FAT3: variants seen among roughly 807,000 people sequenced by gnomAD.
The protein encoded by FAT3 is protocadherin Fat 3.
In FAT3, 95 loss-of-function variants were observed where a neutral mutation model predicts 310.2. The observed-to-expected ratio is 0.31, with a 90% CI of 0.26 to 0.36. The LOEUF (loss-of-function observed/expected upper bound fraction) is 0.36, where lower values mean the gene tolerates loss of function less well. FAT3 is among the 10% of genes least tolerant of loss of function. FAT3 has a pLI of 1.00. For synonymous variants in FAT3, 2,314 were observed against 2,192.9 expected (o/e 1.06, Z -1.54); for missense variants, 5,408 against 5,715.6 (o/e 0.95, Z 1.74).
At chr11:92,341,174 G>A (rs778949765) in intron 1 of FAT3, among the ~76,000 whole-genome samples, 3 of 152,148 alleles carry the variant, frequency 2.0e-5, no homozygotes, top group Non-Finnish European at 4.4e-5. Flanking sequence ...TCTTTAAGGC[G>A]TGTCTACAAA....
At chr11:92,766,421 C>T (rs1946314079) in intron 6 of FAT3, among the ~76,000 whole-genome samples, 1 of 152,106 alleles carries the variant, frequency 6.6e-6, no homozygotes, top group Non-Finnish European at 1.5e-5. Flanking sequence ...AGGAACCTGC[C>T]TCTCCCCCCC....
chr11:92,752,071 C>T (rs541323768), intron 4 of FAT3, among the ~76,000 whole-genome samples: 1 of 152,140 alleles, frequency 6.6e-6, no homozygotes, highest in South Asian at 2.1e-4. Flanking sequence ...GACCAGGAGT[C>T]AGCAAACTTA....
In FAT3 at chr11:92,798,084, A is replaced by T; in HGVS notation, c.5071A>T (p.Ile1691Phe). 3 of 1,613,948 alleles carry T rather than the reference A, an allele frequency of 1.9e-6. No homozygotes were observed. The highest frequency in any genetic ancestry group is 2.5e-6 in the Non-Finnish European group (3 of 1,179,866). The change falls in exon 10 of 28, where the codon ATT becomes TTT. Residue 1691 changes from isoleucine to phenylalanine, a missense_variant. By Grantham distance (21) the Ile-to-Phe change is conservative. Around this residue, in one of 5 missense-constraint regions of FAT3, gnomAD observed 4,588 missense variants for 4,809.8 expected, o/e 0.95. Coordinates refer to ENST00000525166, the MANE Select transcript of FAT3 (RefSeq NM_001367949.2). The stretch of plus-strand genomic sequence containing the variant: ...AAATGTTGACATTGGAACATCAGTC[A>T]TTCTAATCTCTGCCATCAGTCAATC... ...NENVDIGTSV[I>F]LISAISQSTL...
chr11:92,505,128 C>T (rs1953059407), intron 2 of FAT3, among the ~76,000 whole-genome samples: 1 of 151,944 alleles, frequency 6.6e-6, no homozygotes, highest in Admixed American at 6.6e-5. Context: ...TGAGGTAGGA[C>T]AGAAGAGAGG....
Position 92,542,697 on chromosome 11 carries a change from T to C in FAT3, c.3607+17749T>C, listed in dbSNP as rs72974442. Among the ~76,000 whole-genome samples, 1,381 of 151,978 alleles carry C rather than the reference T, an allele frequency of 9.1e-3. 9 individuals are homozygous for C. Among genetic ancestry groups the C allele is most frequent in the Non-Finnish European group, 0.013 (913 of 67,912 alleles). Reference sequence around the variant, plus strand: ...AAAATAACAAATGCTGGCATGGATGTGGAGAAAGGGGAACTATTATGCACT... The same window carrying C: ...AAAATAACAAATGCTGGCATGGATGCGGAGAAAGGGGAACTATTATGCACT... On this transcript the variant is annotated intron_variant, in intron 3 of 27. Coordinates refer to ENST00000525166, the MANE Select transcript of FAT3 (RefSeq NM_001367949.2).
chr11:92,874,322 C>A (rs991369008), intron 22 of FAT3, among the ~76,000 whole-genome samples: 13 of 152,104 alleles, frequency 8.5e-5, no homozygotes, highest in African/African-American at 3.1e-4. Flanking sequence ...ATTCTATTAT[C>A]TTTATTATTT....
At chr11:92,813,513 A>G (rs1947738558) in intron 13 of FAT3, among the ~76,000 whole-genome samples, 1 of 152,160 alleles carries the variant, frequency 6.6e-6, no homozygotes, top group Non-Finnish European at 1.5e-5. Flanking sequence ...TTTAAGCACC[A>G]CATTCATACA....
chr11:92,781,075 C>CT (rs10649331), intron 7 of FAT3, among the ~76,000 whole-genome samples: 52,069 of 121,934 alleles, frequency 0.43, 12,616 homozygotes, highest in South Asian at 0.63. Context: ...TTTCTTTATT[C>CT]TTTTTTTTTT....
intron 4 of FAT3, among the ~76,000 whole-genome samples, chr11:92,699,845 A>G (rs1944044964): frequency 6.6e-6 from 1 of 152,176 alleles, no homozygotes; most frequent in Non-Finnish European, 1.5e-5. Context: ...TGTGGTTATC[A>G]TTGTTGATTG....
chr11:92,492,406 C>T (rs1565358574), intron 2 of FAT3, among the ~76,000 whole-genome samples: 1 of 151,978 alleles, frequency 6.6e-6, no homozygotes, highest in Non-Finnish European at 1.5e-5. Flanking sequence ...GATGCAATTT[C>T]CACATCTTTA....
rs11019887 is a variant in FAT3, at chr11:92,248,030, C to T, written c.-18+22856C>T. ...TAACTTTAAAATTAAATAAGAATAA[C>T]ATTTAAATGAACATTTAAGAAGTAT... On this transcript the variant is annotated intron_variant, in intron 1 of 27. Coordinates refer to ENST00000525166, the MANE Select transcript of FAT3 (RefSeq NM_001367949.2). Among the ~76,000 whole-genome samples, 41 of 152,128 alleles carry T rather than the reference C, an allele frequency of 2.7e-4. No homozygotes were observed. The East Asian group carries it at 6.0e-3, about 22-fold the overall frequency.
At chr11:92,833,332 T>C (rs1464912365) in intron 14 of FAT3, among the ~76,000 whole-genome samples, 1 of 152,202 alleles carries the variant, frequency 6.6e-6, no homozygotes, top group Non-Finnish European at 1.5e-5. Context: ...TCAAGGAGTA[T>C]GCACCTGTTG....
intron 2 of FAT3, among the ~76,000 whole-genome samples, chr11:92,409,980 A>T (rs1436895360): frequency 6.6e-6 from 1 of 152,154 alleles, no homozygotes; most frequent in Non-Finnish European, 1.5e-5. Flanking sequence ...TTGTAAGAAG[A>T]AGTAAATAAG....
rs893735893 is a variant in FAT3, at chr11:92,561,464, A to G, written c.3607+36516A>G. ...TGAAAATACTTGAGAGTACTGAAAT[A>G]TATTTCTTTACATATAGGACTTTGT... On this transcript the variant is annotated intron_variant, in intron 3 of 27. Coordinates refer to ENST00000525166, the MANE Select transcript of FAT3 (RefSeq NM_001367949.2). Among the ~76,000 whole-genome samples, 6 of 152,226 alleles carry G rather than the reference A, an allele frequency of 3.9e-5. 1 individual carries two copies. The highest frequency in any genetic ancestry group is 4.1e-4 in the South Asian group (2 of 4,830).
At chr11:92,411,591 C>A (rs1005713730) in intron 2 of FAT3, among the ~76,000 whole-genome samples, 3 of 151,988 alleles carry the variant, frequency 2.0e-5, no homozygotes, top group African/African-American at 7.3e-5. Context: ...CTGTGTTTCG[C>A]ATGGAAGGAG....
intron 3 of FAT3, among the ~76,000 whole-genome samples, chr11:92,593,644 G>A (rs561868466): frequency 3.4e-4 from 51 of 151,982 alleles, no homozygotes; most frequent in Admixed American, 6.6e-4. Flanking sequence ...CTTCTAGAAG[G>A]GTAACTAACA....
At chr11:92,523,023 C>G (rs2135355126) in intron 2 of FAT3, among the ~76,000 whole-genome samples, 1 of 152,156 alleles carries the variant, frequency 6.6e-6, no homozygotes, top group East Asian at 1.9e-4. Flanking sequence ...AGTTTGCAAA[C>G]CGATATTGGC....
At chr11:92,693,962 T>G (rs1378234638) in intron 3 of FAT3, among the ~76,000 whole-genome samples, 2 of 152,264 alleles carry the variant, frequency 1.3e-5, no homozygotes, top group African/African-American at 4.8e-5. Flanking sequence ...GTAAATATTT[T>G]TAAGAGCCTA....
chr11:92,621,634 A>G (rs1482772482), intron 3 of FAT3, among the ~76,000 whole-genome samples: 1 of 152,184 alleles, frequency 6.6e-6, no homozygotes, highest in Non-Finnish European at 1.5e-5. Flanking sequence ...TGTTTCTTTT[A>G]GCATTAATGA....
Sources: gnomAD v4.1 joint callset for allele counts (sites outside exome capture counted in the v4.1 genomes callset) on GRCh38, gnomAD v4.1.1 for gene constraint, gnomAD v4.1.1 regional missense constraint, MANE v1.5 for transcripts, NCBI Gene and HGNC (gene_info 2026-07-23, HGNC 2026-07-21) for gene names.